SLC14A2: variants seen among roughly 807,000 people sequenced by gnomAD.
The protein encoded by SLC14A2 is solute carrier family 14 member 2, also known as urea transporter 2.
Under a neutral mutation model 104.6 loss-of-function variants are expected in SLC14A2, and 91 were observed. The observed-to-expected ratio is 0.87, with a 90% confidence interval of 0.73 to 1.04. The LOEUF is 1.04. SLC14A2 is among the 50% of genes least tolerant of loss of function. The pLI, the probability that SLC14A2 is intolerant of heterozygous loss-of-function variation, is 0.00. For missense variants in SLC14A2, 1,189 were observed against 1,156.0 expected, an observed-to-expected ratio of 1.03 and a Z score of -0.41; for synonymous variants, 476 against 466.4, an observed-to-expected ratio of 1.02 and a Z score of -0.27.
At chr18:45,657,417 GCGGAGGTTGCAGTGAGC>G (rs1276599256) in intron 10 of SLC14A2, among the ~76,000 whole-genome samples, 2 of 151,416 alleles carry the variant, frequency 1.3e-5, no homozygotes, top group South Asian at 4.2e-4. Flanking sequence ...AACTCTGGAG[GCGGAGGTTGCAGTGAGC>G]CGAGATCACG....
chr18:45,494,113 G>C (rs62093093), intron 2 of SLC14A2, among the ~76,000 whole-genome samples: 2 of 152,226 alleles, frequency 1.3e-5, no homozygotes, highest in Non-Finnish European at 2.9e-5. Flanking sequence ...TTTCTCCAGA[G>C]TGGCGGTATA....
intron 2 of SLC14A2, among the ~76,000 whole-genome samples, chr18:45,518,218 C>T (rs1217416112): frequency 6.6e-6 from 1 of 152,212 alleles, no homozygotes; most frequent in Non-Finnish European, 1.5e-5. Context: ...GATTGTCCAT[C>T]TCATTTCACA....
rs1407935519 is a variant in SLC14A2 at position 45,515,978 on chromosome 18, A to G, written c.-35+32656A>G. ...TTACTAACTGTAAGAACTCAAGTTG[A>G]TAGTGTGAAGTTTTAGTATTAATAA... On this transcript the variant is annotated intron_variant, in intron 2 of 20. Transcript: ENST00000586448. Among the ~76,000 whole-genome samples the G allele has an allele frequency of 2.0e-5, 3 of 152,234 alleles. No individual in the cohort carries two copies. The East Asian group carries it at 5.8e-4, about 29-fold the overall frequency.
intron 1 of SLC14A2, among the ~76,000 whole-genome samples, chr18:45,414,753 A>ATAT (rs2086252803): frequency 1.1e-4 from 7 of 64,008 alleles, no homozygotes; most frequent in African/African-American, 2.4e-4. Flanking sequence ...GTAAAAAAAA[A>ATAT]AAAAATATAT....
chr18:45,212,524 G>T (rs935631026), upstream of SLC14A2, among the ~76,000 whole-genome samples: 3 of 152,136 alleles, frequency 2.0e-5, no homozygotes, highest in Non-Finnish European at 2.9e-5. Flanking sequence ...TACAGTACGC[G>T]CAAGAGAAGC....
intron 1 of SLC14A2, among the ~76,000 whole-genome samples, chr18:45,470,336 C>G (rs2087223926): frequency 6.6e-6 from 1 of 152,160 alleles, no homozygotes; most frequent in Non-Finnish European, 1.5e-5. Context: ...ACTTTCCAGT[C>G]ACTTTATTTT....
chr18:45,604,350 G>T (rs372767448), intron 2 of SLC14A2, among the ~76,000 whole-genome samples: 11 of 152,112 alleles, frequency 7.2e-5, no homozygotes, highest in Admixed American at 4.6e-4. Context: ...GCATAACTTT[G>T]TATGGTACAT....
At chr18:45,491,906 A>G (rs1192932258) in intron 2 of SLC14A2, among the ~76,000 whole-genome samples, 6 of 152,224 alleles carry the variant, frequency 3.9e-5, no homozygotes, top group Admixed American at 3.3e-4. Flanking sequence ...CAGAGCTAGG[A>G]ATGGGGTTTA....
At chr18:45,293,913 T>C (rs7245248) in intron 1 of SLC14A2, among the ~76,000 whole-genome samples, 21,078 of 152,194 alleles carry the variant, frequency 0.14, 1,724 homozygotes, top group African/African-American at 0.23. Context: ...AATTCTACAA[T>C]ATCCATATAG....
intron 10 of SLC14A2, among the ~76,000 whole-genome samples, chr18:45,651,509 T>A (rs1377191019): frequency 6.6e-6 from 1 of 152,204 alleles, no homozygotes; most frequent in African/African-American, 2.4e-5. Flanking sequence ...GCAAATGGAC[T>A]TTGAATCAGT....
At chr18:45,226,100 C>A (rs200312428) in intron 1 of SLC14A2, among the ~76,000 whole-genome samples, 1 of 152,068 alleles carries the variant, frequency 6.6e-6, no homozygotes, top group East Asian at 1.9e-4. Flanking sequence ...CAGAGAAATG[C>A]AATCAAAACC....
intron 1 of SLC14A2, among the ~76,000 whole-genome samples, chr18:45,330,394 G>C (rs2085277531): frequency 6.6e-6 from 1 of 152,168 alleles, no homozygotes; most frequent in Non-Finnish European, 1.5e-5. Context: ...CATTAGGCTT[G>C]AGGTTGCATT....
At chr18:45,304,524 GC>G (rs1181781263) in intron 1 of SLC14A2, among the ~76,000 whole-genome samples, 11 of 152,214 alleles carry the variant, frequency 7.2e-5, no homozygotes, top group Admixed American at 5.2e-4. Flanking sequence ...AAGTTCTAAG[GC>G]CCTTCAGACT....
At chr18:45,287,355 C>G (rs545103003) in intron 1 of SLC14A2, among the ~76,000 whole-genome samples, 1 of 152,350 alleles carries the variant, frequency 6.6e-6, no homozygotes, top group African/African-American at 2.4e-5. Flanking sequence ...CACGTCAGCT[C>G]AGAGAAACAA....
intron 1 of SLC14A2, among the ~76,000 whole-genome samples, chr18:45,346,879 T>C (rs2085453487): frequency 6.6e-6 from 1 of 151,772 alleles, no homozygotes; most frequent in South Asian, 2.1e-4. Context: ...GGAGAGTCAC[T>C]TGAATCCGAG....
rs560015293 is a variant in SLC14A2 at position 45,645,925 on chromosome 18, C to G, written c.1351+1765C>G. 3.3e-5 allele frequency among the ~76,000 whole-genome samples: 5 copies of G among 152,226 alleles called. No individual in the cohort carries two copies. In the South Asian group the frequency reaches 1.0e-3, roughly 32 times the overall value. ...TGGGCGGTGCACAGGCCCAAACAGA[C>G]ACCACCAAGTCCCTTGCGACATAGC... is the stretch of plus-strand genomic sequence containing the variant. On this transcript the variant is annotated intron_variant, in intron 10 of 19. Transcript: ENST00000255226.
intron 1 of SLC14A2, among the ~76,000 whole-genome samples, chr18:45,371,905 T>A (rs2085726949): frequency 6.6e-6 from 1 of 152,206 alleles, no homozygotes; most frequent in Admixed American, 6.5e-5. Context: ...TAGAAAAGGG[T>A]TATCTGATGC....
chr18:45,395,120 T>C (rs1278774016), intron 1 of SLC14A2, among the ~76,000 whole-genome samples: 1 of 152,156 alleles, frequency 6.6e-6, no homozygotes, highest in Non-Finnish European at 1.5e-5. Flanking sequence ...AGCCAAGAGA[T>C]GGAAACAACC....
At chr18:45,229,040 T>G (rs2084148287) in intron 1 of SLC14A2, among the ~76,000 whole-genome samples, 1 of 152,172 alleles carries the variant, frequency 6.6e-6, no homozygotes, top group Non-Finnish European at 1.5e-5. Flanking sequence ...TCTCCAACTT[T>G]TAGAAAGACT....
Sources: allele counts gnomAD v4.1 joint callset (sites outside exome capture counted in the v4.1 genomes callset), GRCh38; gene constraint gnomAD v4.1.1; transcripts MANE v1.5; gene names NCBI Gene and HGNC (gene_info 2026-07-23, HGNC 2026-07-21).